HEMK2: variants seen among roughly 807,000 people sequenced by gnomAD.
HEMK2 encodes HemK methyltransferase 2, ETF1 glutamine and histone H4 lysine, also known as methyltransferase HEMK2.
At chr21:28,662,525 G>A in the HEMK2 span, among the ~76,000 whole-genome samples, 1 of 152,144 alleles carries the variant, frequency 6.6e-6, no homozygotes, top group South Asian at 2.1e-4. Flanking sequence ...TGGTTTGGCT[G>A]TGTCCCCACC....
At chr21:28,835,172 T>C in the HEMK2 span, among the ~76,000 whole-genome samples, 39,401 of 151,924 alleles carry the variant, frequency 0.26, 5,874 homozygotes, top group African/African-American at 0.4. Flanking sequence ...TGCCACCTCC[T>C]GGCAGAAGGT....
chr21:28,866,175 A>AAC, the HEMK2 span, among the ~76,000 whole-genome samples: 162 of 76,208 alleles, frequency 2.1e-3, 14 homozygotes, highest in African/African-American at 5.1e-3. Flanking sequence ...CAAAAAAAAA[A>AAC]ACACACACAC....
At chr21:28,633,710 C>T in the HEMK2 span, among the ~76,000 whole-genome samples, 1 of 152,262 alleles carries the variant, frequency 6.6e-6, no homozygotes, top group South Asian at 2.1e-4. Context: ...AGAGCTTTTT[C>T]CTCTGCGTGG....
At chr21:28,867,332 A>T in the HEMK2 span, among the ~76,000 whole-genome samples, 1 of 152,238 alleles carries the variant, frequency 6.6e-6, no homozygotes, top group Non-Finnish European at 1.5e-5. Flanking sequence ...TTGCACAAAA[A>T]TATTAAGCAG....
At chr21:28,666,346 T>G in the HEMK2 span, among the ~76,000 whole-genome samples, 15 of 152,376 alleles carry the variant, frequency 9.8e-5, no homozygotes, top group East Asian at 2.7e-3. Flanking sequence ...AGTATACATT[T>G]AAGATTCTTT....
the HEMK2 span, among the ~76,000 whole-genome samples, chr21:28,664,141 A>C: frequency 1.3e-5 from 2 of 152,184 alleles, no homozygotes; most frequent in African/African-American, 4.8e-5. Flanking sequence ...TCTTTTAGTA[A>C]GTTCTTTGAT....
At chr21:28,575,664 T>C in the HEMK2 span, among the ~76,000 whole-genome samples, 13 of 152,326 alleles carry the variant, frequency 8.5e-5, no homozygotes, top group African/African-American at 2.9e-4. Context: ...TTCTTTAGTA[T>C]ATAGTTCAAT....
the HEMK2 span, among the ~76,000 whole-genome samples, chr21:28,593,063 G>C: frequency 6.6e-6 from 1 of 152,098 alleles, no homozygotes; most frequent in South Asian, 2.1e-4. Context: ...AGGTGTAGTG[G>C]CACATGCTTA....
the HEMK2 span, among the ~76,000 whole-genome samples, chr21:28,679,469 C>A: frequency 1.3e-5 from 2 of 152,200 alleles, no homozygotes; most frequent in East Asian, 3.8e-4. Context: ...TAACACCCCA[C>A]TGTCAACATT....
At chr21:28,789,006 A>C in the HEMK2 span, among the ~76,000 whole-genome samples, 1 of 152,118 alleles carries the variant, frequency 6.6e-6, no homozygotes, top group Non-Finnish European at 1.5e-5. Flanking sequence ...GAGAGGCGGG[A>C]AACAGATTCT....
chr21:28,800,622 GTA>G, the HEMK2 span, among the ~76,000 whole-genome samples: 1 of 152,116 alleles, frequency 6.6e-6, no homozygotes, highest in Non-Finnish European at 1.5e-5. Flanking sequence ...GCCTTTGTGT[GTA>G]TATATCTGTA....
chr21:28,617,534 T>A, the HEMK2 span, among the ~76,000 whole-genome samples: 1 of 152,192 alleles, frequency 6.6e-6, no homozygotes, highest in Non-Finnish European at 1.5e-5. Context: ...CACAATACTA[T>A]GAGTTCTCTC....
At chr21:28,715,794 A>G in the HEMK2 span, among the ~76,000 whole-genome samples, 2 of 152,152 alleles carry the variant, frequency 1.3e-5, no homozygotes, top group African/African-American at 2.4e-5. Flanking sequence ...TAAGTCTTTA[A>G]TCTATCTTAA....
the HEMK2 span, among the ~76,000 whole-genome samples, chr21:28,722,927 C>T: frequency 1.3e-5 from 2 of 151,968 alleles, no homozygotes; most frequent in Non-Finnish European, 2.9e-5. Context: ...TCCAGAAAGG[C>T]CATGAGAGGA....
At chr21:28,742,693 A>C in the HEMK2 span, among the ~76,000 whole-genome samples, 1 of 152,254 alleles carries the variant, frequency 6.6e-6, no homozygotes, top group African/African-American at 2.4e-5. Context: ...AGGAAAAAAA[A>C]TGGGGGAGGG....
At chr21:28,849,673 A>C in the HEMK2 span, among the ~76,000 whole-genome samples, 3 of 152,260 alleles carry the variant, frequency 2.0e-5, no homozygotes, top group Admixed American at 2.0e-4. Flanking sequence ...TTTTAAGAAA[A>C]AAAGAAACGG....
chr21:28,819,291 C>CA, the HEMK2 span, among the ~76,000 whole-genome samples: 1,901 of 108,406 alleles, frequency 0.018, 20 homozygotes, highest in Middle Eastern at 0.042. Context: ...TTTATTAGCT[C>CA]AAAAAAAAAA....
chr21:28,823,137 T>G, the HEMK2 span, among the ~76,000 whole-genome samples: 1 of 152,194 alleles, frequency 6.6e-6, no homozygotes, highest in Non-Finnish European at 1.5e-5. Context: ...TTCTGTTAAG[T>G]GATTGCTATA....
chr21:28,831,554 AGAAG>A, the HEMK2 span, among the ~76,000 whole-genome samples: 6 of 85,606 alleles, frequency 7.0e-5, no homozygotes, highest in African/African-American at 4.1e-4. Context: ...AAAGAAGGAA[AGAAG>A]GAAAGAAGGA....
Sources: gnomAD v4.1 joint callset for allele counts (sites outside exome capture counted in the v4.1 genomes callset) on GRCh38, gnomAD v4.1.1 for gene constraint, MANE v1.5 for transcripts, NCBI Gene and HGNC (gene_info 2026-07-23, HGNC 2026-07-21) for gene names.